KHDRBS2: variants seen among roughly 807,000 people sequenced by gnomAD.
KHDRBS2 encodes KH domain-containing, RNA-binding, signal transduction-associated protein 2.
In KHDRBS2, 26 loss-of-function variants were observed where a neutral mutation model predicts 44.3. The observed-to-expected ratio is 0.59, with a 90% CI of 0.43 to 0.81. The LOEUF (loss-of-function observed/expected upper bound fraction) is 0.81, where lower values mean the gene tolerates loss of function less well. Ranked by LOEUF, KHDRBS2 falls within the 40% of genes least tolerant of loss-of-function variation. The pLI is 0.00. For synonymous variants in KHDRBS2, 194 were observed against 151.1 expected, an observed-to-expected ratio of 1.28 and a Z score of -2.08; for missense variants, 476 against 433.1, an observed-to-expected ratio of 1.10 and a Z score of -0.88.
chr6:62,239,443 C>G (rs1052480201), intron 1 of KHDRBS2, among the ~76,000 whole-genome samples: 1 of 151,942 alleles, frequency 6.6e-6, no homozygotes, highest in African/African-American at 2.4e-5. Context: ...AGTGGTGACA[C>G]ACACCTGTAA....
At chr6:61,821,266 C>A (rs1337298984) in intron 6 of KHDRBS2, among the ~76,000 whole-genome samples, 1 of 151,950 alleles carries the variant, frequency 6.6e-6, no homozygotes, top group Non-Finnish European at 1.5e-5. Flanking sequence ...AATATAAAAA[C>A]CTGGGTCCTA....
intron 2 of KHDRBS2, among the ~76,000 whole-genome samples, chr6:62,149,526 G>A (rs1199489991): frequency 6.6e-6 from 1 of 151,944 alleles, no homozygotes; most frequent in Non-Finnish European, 1.5e-5. Context: ...CCAACTAAAA[G>A]GTCCTTCAAG....
At chr6:61,739,507 T>C (rs776907026) in intron 6 of KHDRBS2, among the ~76,000 whole-genome samples, 1 of 151,862 alleles carries the variant, frequency 6.6e-6, no homozygotes, top group Non-Finnish European at 1.5e-5. Context: ...TTTAAATAAA[T>C]AAAATGCTCT....
At position 62,179,822 on chromosome 6, in the gene KHDRBS2, C is replaced by T. The variant is rs1354681253; in HGVS notation, c.92-2510G>A. On this transcript the variant is annotated intron_variant, in intron 1 of 8. Coordinates refer to ENST00000281156, the MANE Select transcript of KHDRBS2 (RefSeq NM_152688.4). ...GTTAAATGAAATATCATTTCCACTGCTATTTCTGTTCAATTCTACAATTTT... is the reference window on the plus strand; with the variant it reads ...GTTAAATGAAATATCATTTCCACTGTTATTTCTGTTCAATTCTACAATTTT... Among the ~76,000 whole-genome samples, 3 of 151,738 alleles carry T rather than the reference C, an allele frequency of 2.0e-5. No individual in the cohort carries two copies. The East Asian group carries it at 5.8e-4, about 29-fold the overall frequency.
intron 1 of KHDRBS2, among the ~76,000 whole-genome samples, chr6:62,239,509 G>C (rs764178253): frequency 6.6e-6 from 1 of 151,988 alleles, no homozygotes; most frequent in African/African-American, 2.4e-5. Flanking sequence ...GGAGGCGGAC[G>C]TTGCCGTGAG....
intron 6 of KHDRBS2, among the ~76,000 whole-genome samples, chr6:61,854,048 T>TA (rs1583179018): frequency 3.9e-5 from 6 of 152,174 alleles, no homozygotes; most frequent in Admixed American, 3.3e-4. Flanking sequence ...TGGCCACAGT[T>TA]ATATATCTGT....
chr6:62,096,263 TTTG>T (rs750360174), intron 2 of KHDRBS2, among the ~76,000 whole-genome samples: 2 of 151,958 alleles, frequency 1.3e-5, no homozygotes, highest in Non-Finnish European at 2.9e-5. Context: ...GTTTCAGTTT[TTTG>T]TTGTTGTTGT....
intron 4 of KHDRBS2, among the ~76,000 whole-genome samples, chr6:61,960,929 G>C (rs538604692): frequency 2.6e-5 from 4 of 152,038 alleles, no homozygotes. Context: ...ACACTAAAAA[G>C]TAAAGAGCAT....
rs189679746 is a variant in KHDRBS2, at chr6:62,240,156, A to G, written c.91+45702T>C. Among the ~76,000 whole-genome samples the G allele has an allele frequency of 1.8e-4, 28 of 152,238 alleles. 1 individual carries two copies. The highest frequency in any genetic ancestry group is 1.6e-4 in the Non-Finnish European group (11 of 68,014). ...ACAATTAATGAACCATCATTGATAC[A>G]TTATATTTTGGGTTATAATCCAATA... On this transcript the variant is annotated intron_variant, in intron 1 of 8. Coordinates refer to ENST00000281156, the MANE Select transcript of KHDRBS2 (RefSeq NM_152688.4).
intron 6 of KHDRBS2, 121 bp downstream of exon 6, chr6:61,894,514 G>T: frequency 1.3e-6 from 1 of 762,024 alleles, no homozygotes; most frequent in East Asian, 2.7e-5. Flanking sequence ...TGTTGTAAAT[G>T]ACATTCGTTT....
intron 4 of KHDRBS2, among the ~76,000 whole-genome samples, chr6:61,908,412 A>G (rs1805426131): frequency 6.6e-6 from 1 of 152,072 alleles, no homozygotes; most frequent in Non-Finnish European, 1.5e-5. Flanking sequence ...AGGCGGGCAG[A>G]TCACAAGGTC....
At chr6:61,714,505 G>A (rs62423550) in intron 7 of KHDRBS2, among the ~76,000 whole-genome samples, 27,819 of 151,790 alleles carry the variant, frequency 0.18, 2,673 homozygotes, top group Non-Finnish European at 0.2. Flanking sequence ...ACTAAAAATA[G>A]AACTGCCATT....
At chr6:62,244,078 A>G (rs546471990) in intron 1 of KHDRBS2, among the ~76,000 whole-genome samples, 1 of 152,266 alleles carries the variant, frequency 6.6e-6, no homozygotes, top group South Asian at 2.1e-4. Flanking sequence ...ACAAAACAAA[A>G]CATTGCCTGC....
At chr6:61,968,146 TAC>T (rs1483710115) in intron 4 of KHDRBS2, among the ~76,000 whole-genome samples, 2 of 151,858 alleles carry the variant, frequency 1.3e-5, no homozygotes, top group Admixed American at 1.3e-4. Context: ...CAATGATATA[TAC>T]ACATTACCAT....
intron 6 of KHDRBS2, among the ~76,000 whole-genome samples, chr6:61,752,949 T>C (rs775943454): frequency 1.4e-4 from 21 of 152,244 alleles, no homozygotes; most frequent in Admixed American, 2.6e-4. Flanking sequence ...AGAATAATAA[T>C]AATTTTAAAA....
chr6:61,984,515 C>T, intron 3 of KHDRBS2, among the ~76,000 whole-genome samples: 1 of 151,952 alleles, frequency 6.6e-6, no homozygotes, highest in Admixed American at 6.6e-5. Context: ...AGAGATTTAC[C>T]AAAGTCAGCT....
At chr6:62,181,053 G>A (rs1822184521) in intron 1 of KHDRBS2, among the ~76,000 whole-genome samples, 1 of 150,120 alleles carries the variant, frequency 6.7e-6, no homozygotes, top group African/African-American at 2.4e-5. Context: ...AACTCAAAGT[G>A]AATTAAAGAC....
At chr6:61,893,311 C>G (rs1802326150) in intron 6 of KHDRBS2, among the ~76,000 whole-genome samples, 1 of 152,286 alleles carries the variant, frequency 6.6e-6, no homozygotes, top group Non-Finnish European at 1.5e-5. Flanking sequence ...CGACTGTAAA[C>G]TAGTTCAACC....
chr6:62,233,833 T>G (rs1295431666), intron 1 of KHDRBS2, among the ~76,000 whole-genome samples: 1 of 152,174 alleles, frequency 6.6e-6, no homozygotes, highest in Non-Finnish European at 1.5e-5. Context: ...TTTTTATGGC[T>G]GCATAGTATT....
Sources: allele counts gnomAD v4.1 joint callset (sites outside exome capture counted in the v4.1 genomes callset), GRCh38; gene constraint gnomAD v4.1.1; transcripts MANE v1.5; gene names NCBI Gene and HGNC (gene_info 2026-07-23, HGNC 2026-07-21).